PDS5B: variants seen among roughly 807,000 people sequenced by gnomAD.
PDS5B encodes sister chromatid cohesion protein PDS5 homolog B.
PDS5B carries 51 observed loss-of-function variants against 184.1 expected under a neutral mutation model. The ratio of observed to expected loss-of-function variants is 0.28; its 90% CI spans 0.22 to 0.35. The LOEUF is 0.35. Ranked by LOEUF, PDS5B falls within the 10% of genes least tolerant of loss-of-function variation. PDS5B has a pLI of 1.00. For missense variants in PDS5B, 1,180 were observed against 1,723.3 expected (o/e 0.68, Z 5.58); for synonymous variants, 566 against 569.2 (o/e 0.99, Z 0.08).
At chr13:32,671,218 A>T (rs558652808) in intron 7 of PDS5B, among the ~76,000 whole-genome samples, 1 of 150,878 alleles carries the variant, frequency 6.6e-6, no homozygotes, top group African/African-American at 2.5e-5. Context: ...ATTGGAGAAG[A>T]CCAACTTGGT....
chr13:32,616,745 G>A (rs1301273268), intron 1 of PDS5B, among the ~76,000 whole-genome samples: 1 of 152,154 alleles, frequency 6.6e-6, no homozygotes, highest in Admixed American at 6.5e-5. Context: ...GTTTAAGGTA[G>A]TTGAACTGCA....
chr13:32,594,794 G>A (rs1387758651), intron 1 of PDS5B, among the ~76,000 whole-genome samples: 3 of 152,066 alleles, frequency 2.0e-5, no homozygotes, highest in Non-Finnish European at 4.4e-5. Flanking sequence ...ATGAACCTGG[G>A]GGACTAAATT....
At chr13:32,596,475 T>C (rs1453576022) in intron 1 of PDS5B, among the ~76,000 whole-genome samples, 1 of 152,234 alleles carries the variant, frequency 6.6e-6, no homozygotes, top group Middle Eastern at 3.2e-3. Context: ...CCTATACAGA[T>C]CTTTTTGCAA....
chr13:32,640,493 C>T (rs1414474259), intron 1 of PDS5B, among the ~76,000 whole-genome samples: 2 of 152,102 alleles, frequency 1.3e-5, no homozygotes, highest in Non-Finnish European at 2.9e-5. Flanking sequence ...GTGATCTGCC[C>T]ACTTTGGGCT....
intron 1 of PDS5B, among the ~76,000 whole-genome samples, chr13:32,615,415 T>C (rs1343997303): frequency 2.0e-5 from 3 of 151,912 alleles, no homozygotes; most frequent in African/African-American, 7.3e-5. Context: ...GATAGAGTGA[T>C]TAGGAAGATC....
intron 19 of PDS5B, among the ~76,000 whole-genome samples, chr13:32,715,956 C>T (rs1327779758): frequency 6.6e-6 from 1 of 152,286 alleles, no homozygotes; most frequent in Admixed American, 6.5e-5. Context: ...CTGGTTCACT[C>T]AGTGCTCAAT....
intron 1 of PDS5B, among the ~76,000 whole-genome samples, chr13:32,625,804 G>C (rs1374416375): frequency 6.7e-6 from 1 of 149,882 alleles, no homozygotes; most frequent in Non-Finnish European, 1.5e-5. Flanking sequence ...CATTGTCCTA[G>C]GTTTTAGTCT....
chr13:32,645,699 A>G (rs1357699636), intron 1 of PDS5B, among the ~76,000 whole-genome samples: 2 of 152,126 alleles, frequency 1.3e-5, no homozygotes, highest in African/African-American at 2.4e-5. Flanking sequence ...TTTTCTTGTT[A>G]TCTGTTTTGT....
chr13:32,718,382 C>G (rs1239471642), intron 19 of PDS5B, among the ~76,000 whole-genome samples: 1 of 152,162 alleles, frequency 6.6e-6, no homozygotes, highest in Non-Finnish European at 1.5e-5. Flanking sequence ...GATCTCCTGA[C>G]CTTGTGATCC....
At chr13:32,659,303 A>G (rs753153894) in intron 6 of PDS5B, 23 bp downstream of exon 6, 1 of 1,527,278 alleles carries the variant, frequency 6.5e-7, no homozygotes, top group Non-Finnish European at 8.9e-7. Flanking sequence ...GTATACTGTA[A>G]TGTGTCTAAT....
rs776523903 is a variant in PDS5B at position 32,735,160 on chromosome 13, C to T, written c.2248-12C>T. 6.6e-7 allele frequency: 1 copy of T among 1,514,216 alleles called. No individual in the cohort carries two copies. The highest frequency in any genetic ancestry group is 1.4e-5 in the South Asian group (1 of 69,936). The allele number at this position is 1,514,216 out of a possible 1,614,324, so 93.8% of individuals were successfully genotyped here. A position where few individuals can be genotyped will look rare whatever the true frequency, so the allele number is the denominator to read the frequency against. On this transcript the variant is annotated splice_polypyrimidine_tract_variant and intron_variant, in intron 20 of 34. Transcript: ENST00000315596. ...GTAGAGTTGAAATATATTTTCCTCC[C>T]CTCATTTTCAGCCTCTGCATAAGAG... is the stretch of plus-strand genomic sequence containing the variant.
chr13:32,720,487 G>A (rs1289185454), intron 19 of PDS5B, among the ~76,000 whole-genome samples: 2 of 152,070 alleles, frequency 1.3e-5, no homozygotes, highest in Non-Finnish European at 2.9e-5. Flanking sequence ...ACTATACTAG[G>A]TATAAAGTCA....
At chr13:32,700,324 C>T (rs1364384874) in intron 16 of PDS5B, among the ~76,000 whole-genome samples, 1 of 152,044 alleles carries the variant, frequency 6.6e-6, no homozygotes, top group Non-Finnish European at 1.5e-5. Flanking sequence ...CTTTAATATG[C>T]TTTGGCAAAT....
At chr13:32,644,621 C>A (rs962685588) in intron 1 of PDS5B, among the ~76,000 whole-genome samples, 2 of 151,894 alleles carry the variant, frequency 1.3e-5, no homozygotes, top group Non-Finnish European at 2.9e-5. Flanking sequence ...TCCTGTAGTT[C>A]CTGAACACAA....
chr13:32,620,428 C>G (rs919411135), intron 1 of PDS5B, among the ~76,000 whole-genome samples: 1 of 151,954 alleles, frequency 6.6e-6, no homozygotes, highest in Non-Finnish European at 1.5e-5. Context: ...GAGGCCGAGG[C>G]GGGCGGATCA....
intron 10 of PDS5B, among the ~76,000 whole-genome samples, chr13:32,680,426 TC>T (rs1344120410): frequency 1.3e-5 from 2 of 152,234 alleles, no homozygotes; most frequent in Admixed American, 1.3e-4. Context: ...CTGTCAAATT[TC>T]TAATAGAAGA....
At chr13:32,592,744 A>G (rs1566229095) in intron 1 of PDS5B, among the ~76,000 whole-genome samples, 1 of 152,198 alleles carries the variant, frequency 6.6e-6, no homozygotes, top group East Asian at 1.9e-4. Flanking sequence ...ATATGCTCCT[A>G]TGATATATCA....
At chr13:32,758,746 G>T in intron 28 of PDS5B, 93 bp downstream of exon 28, 2 of 1,225,440 alleles carry the variant, frequency 1.6e-6, no homozygotes, top group Non-Finnish European at 2.3e-6. Flanking sequence ...TGGAAAAATT[G>T]CTGTGAGTCT....
intron 24 of PDS5B, among the ~76,000 whole-genome samples, chr13:32,750,867 G>C (rs187619141): frequency 6.6e-6 from 1 of 151,732 alleles, no homozygotes; most frequent in African/African-American, 2.4e-5. Flanking sequence ...GTGTGTGTGT[G>C]TGTGTGTGTG....
Sources: gnomAD v4.1 joint callset for allele counts (sites outside exome capture counted in the v4.1 genomes callset) on GRCh38, gnomAD v4.1.1 for gene constraint, MANE v1.5 for transcripts, NCBI Gene and HGNC (gene_info 2026-07-23, HGNC 2026-07-21) for gene names.